DCP1B: variants seen among roughly 807,000 people sequenced by gnomAD.
DCP1B encodes the protein decapping mRNA 1B.
DCP1B carries 47 observed loss-of-function variants against 60.5 expected under a neutral mutation model. The ratio of observed to expected loss-of-function variants is 0.78; its 90% CI spans 0.61 to 0.99. DCP1B has a LOEUF of 0.99. Ranked by LOEUF, DCP1B falls within the 50% of genes least tolerant of loss-of-function variation. The probability of loss-of-function intolerance (pLI) is 0.00; values close to 1 mark genes in which losing one functional copy is unlikely to be tolerated. For missense variants in DCP1B, 725 were observed against 756.8 expected, an observed-to-expected ratio of 0.96 and a Z score of 0.49; for synonymous variants, 267 against 280.3, an observed-to-expected ratio of 0.95 and a Z score of 0.47.
At chr12:1,957,786 C>A (rs1328910706) in intron 5 of DCP1B, among the ~76,000 whole-genome samples, 3 of 152,220 alleles carry the variant, frequency 2.0e-5, no homozygotes, top group African/African-American at 7.2e-5. Context: ...AAAGAGAATG[C>A]ACAAAATTTC....
intron 3 of DCP1B, chr12:1,992,959 A>G (rs2039824137): frequency 1.7e-6 from 1 of 599,120 alleles, no homozygotes; most frequent in East Asian, 2.7e-5. Context: ...CCTCACTAAG[A>G]ACTTGCCTCA....
intron 3 of DCP1B, among the ~76,000 whole-genome samples, chr12:1,983,733 T>C (rs1017467326): frequency 6.6e-6 from 1 of 152,068 alleles, no homozygotes; most frequent in Admixed American, 6.5e-5. Context: ...ATGACAGCTG[T>C]GTTTAGTTGA....
At chr12:1,960,546 C>T (rs1423157283) in intron 5 of DCP1B, among the ~76,000 whole-genome samples, 1 of 152,086 alleles carries the variant, frequency 6.6e-6, no homozygotes, top group East Asian at 1.9e-4. Context: ...ATTTTTGCCA[C>T]ACAAAAATGA....
At chr12:2,004,195 C>G (rs1258225978) in intron 1 of DCP1B, 87 bp downstream of exon 1, 5 of 1,562,140 alleles carry the variant, frequency 3.2e-6, no homozygotes, top group Non-Finnish European at 3.5e-6. Context: ...GTCTCCTCCC[C>G]CTCACCGGGT....
intron 6 of DCP1B, among the ~76,000 whole-genome samples, 195 bp downstream of exon 6, chr12:1,955,237 G>C (rs1161494900): frequency 6.6e-6 from 1 of 152,158 alleles, no homozygotes; most frequent in Non-Finnish European, 1.5e-5. Context: ...TATGCCAAAA[G>C]TAAAAACTTT....
intron 2 of DCP1B, among the ~76,000 whole-genome samples, chr12:1,996,067 C>A (rs148910262): frequency 1.3e-5 from 2 of 152,150 alleles, no homozygotes; most frequent in African/African-American, 4.8e-5. Flanking sequence ...AAAATTTCAC[C>A]ATTGCAATAC....
chr12:1,946,837 C>T (rs1014372711), intron 8 of DCP1B, among the ~76,000 whole-genome samples: 1 of 152,264 alleles, frequency 6.6e-6, no homozygotes, highest in South Asian at 2.1e-4. Flanking sequence ...GTAGCTAGGG[C>T]TACAGGTGCG....
intron 1 of DCP1B, among the ~76,000 whole-genome samples, chr12:1,999,350 A>AGAGT (rs1430728971): frequency 6.6e-6 from 1 of 152,262 alleles, no homozygotes; most frequent in Non-Finnish European, 1.5e-5. Flanking sequence ...ATGGCTATAA[A>AGAGT]AAATCATTAC....
intron 1 of DCP1B, among the ~76,000 whole-genome samples, chr12:1,999,391 T>C (rs1161908063): frequency 6.6e-6 from 1 of 152,216 alleles, no homozygotes; most frequent in Non-Finnish European, 1.5e-5. Flanking sequence ...CTCAAGATGT[T>C]TATTATTATG....
At chr12:1,961,310 T>C (rs1192408982) in intron 5 of DCP1B, 1 of 152,226 alleles carries the variant, frequency 6.6e-6, no homozygotes, top group Admixed American at 6.5e-5. Flanking sequence ...GTTCCTGTAC[T>C]GGGCAATGAC....
At chr12:1,955,983 C>T (rs2030871903) in intron 5 of DCP1B, among the ~76,000 whole-genome samples, 1 of 152,174 alleles carries the variant, frequency 6.6e-6, no homozygotes, top group Non-Finnish European at 1.5e-5. Context: ...TAGTTGAGTA[C>T]ATTTCATCAA....
chr12:1,989,294 TGCCATGGCACTCCA>T (rs2038720712), intron 3 of DCP1B, among the ~76,000 whole-genome samples: 2 of 152,196 alleles, frequency 1.3e-5, no homozygotes, highest in African/African-American at 4.8e-5. Flanking sequence ...CTATGACCAA[TGCCATGGCACTCCA>T]GCCTGGGTGA....
chr12:1,983,866 C>T (rs1461545117), intron 3 of DCP1B, among the ~76,000 whole-genome samples: 1 of 151,886 alleles, frequency 6.6e-6, no homozygotes, highest in African/African-American at 2.4e-5. Flanking sequence ...AAAACTTCTC[C>T]TTTCGGTTCT....
intron 4 of DCP1B, 25 bp from the exon 5 acceptor site, chr12:1,965,718 A>T (rs1226489267): frequency 1.3e-6 from 2 of 1,590,408 alleles, no homozygotes; most frequent in Non-Finnish European, 1.7e-6. Flanking sequence ...GGGAAAATCC[A>T]CACAAGAAAA....
At chr12:1,977,412 T>C (rs1429048241) in intron 3 of DCP1B, among the ~76,000 whole-genome samples, 1 of 152,218 alleles carries the variant, frequency 6.6e-6, no homozygotes, top group African/African-American at 2.4e-5. Context: ...GCTTGATCAC[T>C]CCAAGCAGCG....
chr12:1,944,512 C>A (rs957218185), downstream of DCP1B, among the ~76,000 whole-genome samples: 13 of 152,198 alleles, frequency 8.5e-5, no homozygotes, highest in Non-Finnish European at 1.5e-4. Flanking sequence ...CTGCAGGCAT[C>A]ATGTTACCTG....
chr12:1,980,103 T>A (rs2035672843), intron 3 of DCP1B, among the ~76,000 whole-genome samples: 1 of 152,210 alleles, frequency 6.6e-6, no homozygotes, highest in African/African-American at 2.4e-5. Flanking sequence ...CCCATCAATT[T>A]CACTCCTAGG....
At chr12:1,989,972 GC>G (rs2038936552) in intron 3 of DCP1B, among the ~76,000 whole-genome samples, 1 of 152,096 alleles carries the variant, frequency 6.6e-6, no homozygotes, top group Non-Finnish European at 1.5e-5. Context: ...AAAAAAACTT[GC>G]TTTTTAAACC....
At chr12:1,979,867 T>A (rs557143613) in intron 3 of DCP1B, among the ~76,000 whole-genome samples, 1 of 152,320 alleles carries the variant, frequency 6.6e-6, no homozygotes, top group South Asian at 2.1e-4. Flanking sequence ...CCAATAAGCA[T>A]ATGAAGAAAT....
Sources: gnomAD v4.1 joint callset for allele counts (sites outside exome capture counted in the v4.1 genomes callset) on GRCh38, gnomAD v4.1.1 for gene constraint, MANE v1.5 for transcripts, NCBI Gene and HGNC (gene_info 2026-07-23, HGNC 2026-07-21) for gene names.